CXADR: variants seen among roughly 807,000 people sequenced by gnomAD.
CXADR encodes the protein CXADR cell adhesion molecule.
A neutral mutation model predicts 40.3 loss-of-function variants in CXADR; 20 were observed. The observed-to-expected ratio is 0.50, with a 90% CI of 0.35 to 0.72. The LOEUF is 0.72. Ranked by LOEUF, CXADR falls within the 30% of genes least tolerant of loss-of-function variation. The pLI, the probability that CXADR is intolerant of heterozygous loss-of-function variation, is 0.01. For missense variants in CXADR, 332 were observed against 449.1 expected (o/e 0.74, Z 2.36); for synonymous variants, 150 against 161.3 (o/e 0.93, Z 0.53).
intron 1 of CXADR, among the ~76,000 whole-genome samples, chr21:17,538,482 G>A (rs1428909375): frequency 2.0e-5 from 3 of 152,130 alleles, no homozygotes; most frequent in Non-Finnish European, 4.4e-5. Context: ...ACCAGAGATT[G>A]TCAGACATGT....
the CXADR span, among the ~76,000 whole-genome samples, chr21:17,625,532 A>T: frequency 1.3e-5 from 2 of 152,194 alleles, no homozygotes; most frequent in African/African-American, 4.8e-5. Context: ...AAAAGAAAAG[A>T]AGTAGTTTGG....
chr21:17,558,555 G>A (rs992772765), intron 3 of CXADR, among the ~76,000 whole-genome samples: 3 of 152,140 alleles, frequency 2.0e-5, no homozygotes, highest in South Asian at 2.1e-4. Flanking sequence ...GGGTTATGGC[G>A]CCTAGAGGGA....
chr21:17,574,506 C>A (rs2061304583), downstream of CXADR, among the ~76,000 whole-genome samples: 1 of 152,066 alleles, frequency 6.6e-6, no homozygotes, highest in African/African-American at 2.4e-5. Context: ...GAAGGATTAG[C>A]AAATTTGAAA....
chr21:17,615,528 AATT>A, the CXADR span, among the ~76,000 whole-genome samples: 5 of 152,314 alleles, frequency 3.3e-5, no homozygotes, highest in South Asian at 8.3e-4. Context: ...ATAACAGAAC[AATT>A]ATTATAGTAC....
chr21:17,517,276 C>T (rs1247960830), intron 1 of CXADR, among the ~76,000 whole-genome samples: 2 of 152,164 alleles, frequency 1.3e-5, no homozygotes, highest in East Asian at 1.9e-4. Context: ...AACTTACCTC[C>T]AAGTCCTCTT....
chr21:17,581,025 A>T (rs2061356712), intron 7 of CXADR, among the ~76,000 whole-genome samples: 1 of 152,254 alleles, frequency 6.6e-6, no homozygotes, highest in South Asian at 2.1e-4. Context: ...AGCTGGGATT[A>T]TAGGCATGAA....
chr21:17,578,310 T>G (rs1454269528), intron 7 of CXADR, among the ~76,000 whole-genome samples: 2 of 152,002 alleles, frequency 1.3e-5, no homozygotes, highest in African/African-American at 4.9e-5. Context: ...TTTGTCTGTT[T>G]GTTTAATAGC....
intron 1 of CXADR, among the ~76,000 whole-genome samples, chr21:17,522,097 C>T (rs2060538094): frequency 6.6e-6 from 1 of 151,962 alleles, no homozygotes; most frequent in Non-Finnish European, 1.5e-5. Flanking sequence ...ATTCTTCTAT[C>T]TCAGCCCTCA....
At chr21:17,571,090 C>T (rs535981998), downstream of CXADR, among the ~76,000 whole-genome samples, 3 of 152,262 alleles carry the variant, frequency 2.0e-5, no homozygotes, top group South Asian at 2.1e-4. Context: ...CCCCTGGGGT[C>T]GGAGCCAAAT....
intron 1 of CXADR, among the ~76,000 whole-genome samples, chr21:17,529,166 G>A (rs2060638255): frequency 6.6e-6 from 1 of 150,438 alleles, no homozygotes; most frequent in Non-Finnish European, 1.5e-5. Flanking sequence ...AGCCTCCTGA[G>A]TAGCTGGGAT....
chr21:17,517,941 A>G (rs932489770), intron 1 of CXADR, among the ~76,000 whole-genome samples: 1 of 152,222 alleles, frequency 6.6e-6, no homozygotes, highest in Non-Finnish European at 1.5e-5. Context: ...TATGTTACCC[A>G]TTACTCCAGC....
At chr21:17,532,852 T>C (rs1330217993) in intron 1 of CXADR, among the ~76,000 whole-genome samples, 1 of 152,232 alleles carries the variant, frequency 6.6e-6, no homozygotes, top group Admixed American at 6.5e-5. Flanking sequence ...ATCTTCATTT[T>C]AGAGAGGAAA....
At chr21:17,604,861 G>A in the CXADR span, 2 of 1,612,464 alleles carry the variant, frequency 1.2e-6, no homozygotes. Flanking sequence ...AGAACTCACC[G>A]ACAGCACACC....
chr21:17,618,116 G>A, the CXADR span, among the ~76,000 whole-genome samples: 2 of 152,152 alleles, frequency 1.3e-5, no homozygotes, highest in Non-Finnish European at 2.9e-5. Flanking sequence ...ACTTGGGAGG[G>A]ATTGCTTGAG....
chr21:17,634,045 A>C, the CXADR span, among the ~76,000 whole-genome samples: 1 of 152,318 alleles, frequency 6.6e-6, no homozygotes, highest in South Asian at 2.1e-4. Context: ...ACTAGCTCTG[A>C]AGTTTTCATT....
chr21:17,527,548 C>T (rs150775844), intron 1 of CXADR, among the ~76,000 whole-genome samples: 2 of 152,288 alleles, frequency 1.3e-5, no homozygotes, highest in African/African-American at 2.4e-5. Context: ...CATTCTAGTA[C>T]TCTTGGCAAG....
chr21:17,577,612 CTTTTTTTTTTTTT>C (rs532541050), intron 7 of CXADR, among the ~76,000 whole-genome samples: 19 of 36,562 alleles, frequency 5.2e-4, no homozygotes, highest in East Asian at 2.2e-3. Flanking sequence ...ATTCTGCAAG[CTTTTTTTTTTTTT>C]TTTTTTTTTT....
chr21:17,563,724 G>A (rs933313658), intron 6 of CXADR, among the ~76,000 whole-genome samples: 4 of 151,476 alleles, frequency 2.6e-5, no homozygotes, highest in African/African-American at 7.3e-5. Context: ...GGTGGATCAC[G>A]AGGTCAGGAG....
chr21:17,605,754 T>TA, the CXADR span, among the ~76,000 whole-genome samples: 1 of 152,182 alleles, frequency 6.6e-6, no homozygotes, highest in African/African-American at 2.4e-5. Context: ...TGTTAAATGA[T>TA]AAGCATTCTG....
Sources: gnomAD v4.1 joint callset for allele counts (sites outside exome capture counted in the v4.1 genomes callset) on GRCh38, gnomAD v4.1.1 for gene constraint, MANE v1.5 for transcripts, NCBI Gene and HGNC (gene_info 2026-07-23, HGNC 2026-07-21) for gene names.